The following GRIA2 variants were observed in gnomAD, a reference collection of about 807,000 sequenced individuals.
The protein encoded by GRIA2 is glutamate receptor 2.
GRIA2 carries 14 observed loss-of-function variants against 97.3 expected under a neutral mutation model. The ratio of observed to expected loss-of-function variants is 0.14; its 90% CI spans 0.10 to 0.23. The LOEUF is 0.23. Ranked by LOEUF, GRIA2 falls within the 10% of genes least tolerant of loss-of-function variation. The pLI is 1.00. For synonymous variants in GRIA2, 412 were observed against 387.8 expected (o/e 1.06, Z -0.73); for missense variants, 558 against 1,069.8 (o/e 0.52, Z 6.67).
chr4:157,241,837 T>A (rs532575700), intron 2 of GRIA2, among the ~76,000 whole-genome samples: 37 of 152,182 alleles, frequency 2.4e-4, no homozygotes, highest in African/African-American at 8.4e-4. Flanking sequence ...AACATGTTTC[T>A]AAGTGTTGAT....
chr4:157,338,008 GTATATATATATATATATATATATATATA>G (rs70958818), intron 11 of GRIA2, among the ~76,000 whole-genome samples: 2 of 79,326 alleles, frequency 2.5e-5, no homozygotes, highest in African/African-American at 9.9e-5. Flanking sequence ...ATATATATGT[GTATATATATATATATATATATATATATA>G]TATATATATA....
At chr4:157,268,779 T>C (rs924596589) in intron 2 of GRIA2, among the ~76,000 whole-genome samples, 22 of 152,010 alleles carry the variant, frequency 1.4e-4, no homozygotes, top group African/African-American at 4.8e-4. Flanking sequence ...AGGGAATGCT[T>C]TTTTTCTTAG....
At chr4:157,221,413 G>T in intron 1 of GRIA2, 1 of 573,152 alleles carries the variant, frequency 1.7e-6, no homozygotes, top group Admixed American at 3.3e-5. Flanking sequence ...CTTGGGGTCT[G>T]AATGCAAAGC....
chr4:157,309,349 GTTTTTTTTT>G (rs747461041), intron 3 of GRIA2, among the ~76,000 whole-genome samples: 1 of 130,704 alleles, frequency 7.7e-6, no homozygotes, highest in African/African-American at 2.9e-5. Context: ...AAATTTCTTG[GTTTTTTTTT>G]TTTTTTTTTT....
intron 2 of GRIA2, among the ~76,000 whole-genome samples, chr4:157,259,819 C>G (rs1186264484): frequency 6.6e-6 from 1 of 152,100 alleles, no homozygotes; most frequent in Non-Finnish European, 1.5e-5. Flanking sequence ...TTCCTTATAA[C>G]TCACTGCCAG....
intron 2 of GRIA2, among the ~76,000 whole-genome samples, chr4:157,270,782 A>G (rs991919696): frequency 2.2e-4 from 33 of 152,072 alleles, no homozygotes; most frequent in African/African-American, 7.7e-4. Flanking sequence ...TTCAGAAGAG[A>G]AGCGAAGCAT....
intron 12 of GRIA2, among the ~76,000 whole-genome samples, chr4:157,349,711 T>G (rs988982833): frequency 6.6e-6 from 1 of 152,180 alleles, no homozygotes; most frequent in African/African-American, 2.4e-5. Flanking sequence ...TAAATTAGGA[T>G]AGTTTGCTAA....
At chr4:157,312,303 AT>A (rs1734117254) in intron 3 of GRIA2, among the ~76,000 whole-genome samples, 1 of 151,994 alleles carries the variant, frequency 6.6e-6, no homozygotes, top group Non-Finnish European at 1.5e-5. Context: ...TGACTAAACA[AT>A]TTTTTTCCAT....
intron 2 of GRIA2, among the ~76,000 whole-genome samples, chr4:157,240,317 T>C (rs1036179547): frequency 6.6e-6 from 1 of 152,170 alleles, no homozygotes. Flanking sequence ...TCAGAATACA[T>C]TAAATTTTTC....
intron 2 of GRIA2, among the ~76,000 whole-genome samples, chr4:157,236,318 C>T (rs1374790355): frequency 6.6e-6 from 1 of 152,000 alleles, no homozygotes; most frequent in Non-Finnish European, 1.5e-5. Context: ...CACCTCATTT[C>T]TATGTCTCTG....
intron 2 of GRIA2, among the ~76,000 whole-genome samples, chr4:157,277,833 T>C (rs1296234010): frequency 1.4e-5 from 2 of 143,004 alleles, no homozygotes; most frequent in Admixed American, 1.4e-4. Flanking sequence ...TATGTATATA[T>C]GTATATATAT....
At chr4:157,323,994 G>A (rs1734698672) in intron 6 of GRIA2, among the ~76,000 whole-genome samples, 1 of 152,142 alleles carries the variant, frequency 6.6e-6, no homozygotes, top group South Asian at 2.1e-4. Flanking sequence ...ATCACTGTTT[G>A]ACCCTGGGTC....
At chr4:157,239,648 A>G (rs1335449035) in intron 2 of GRIA2, among the ~76,000 whole-genome samples, 10 of 152,042 alleles carry the variant, frequency 6.6e-5, no homozygotes, top group Admixed American at 6.6e-4. Context: ...CAAGATTCAG[A>G]ACATCTATAT....
intron 12 of GRIA2, among the ~76,000 whole-genome samples, chr4:157,343,000 G>T (rs1735611698): frequency 6.6e-6 from 1 of 152,012 alleles, no homozygotes; most frequent in South Asian, 2.1e-4. Flanking sequence ...TCACCAAGGT[G>T]CCAGAATTAT....
chr4:157,348,514 C>G (rs1735862686), intron 12 of GRIA2, among the ~76,000 whole-genome samples: 1 of 152,092 alleles, frequency 6.6e-6, no homozygotes, highest in Admixed American at 6.5e-5. Flanking sequence ...GCAGGTATTA[C>G]AGGCATGAGC....
chr4:157,238,234 G>A (rs1730338021), intron 2 of GRIA2, among the ~76,000 whole-genome samples: 1 of 152,072 alleles, frequency 6.6e-6, no homozygotes. Context: ...TATACTTTCA[G>A]CCTGCCTTAT....
At chr4:157,334,543 A>G (rs1735199851) in intron 9 of GRIA2, 1 of 156,040 alleles carries the variant, frequency 6.4e-6, no homozygotes, top group African/African-American at 2.4e-5. Context: ...AAAAATAAGG[A>G]TTATTTCCCT....
At chr4:157,356,661 T>A (rs115671442) in intron 12 of GRIA2, among the ~76,000 whole-genome samples, 3,490 of 152,270 alleles carry the variant, frequency 0.023, 135 homozygotes, top group African/African-American at 0.078. Flanking sequence ...AATGTGTGCA[T>A]GTAACATGAA....
chr4:157,270,348 GC>G (rs1384989362), intron 2 of GRIA2, among the ~76,000 whole-genome samples: 1 of 152,096 alleles, frequency 6.6e-6, no homozygotes, highest in African/African-American at 2.4e-5. Flanking sequence ...CCACCTGGCA[GC>G]CTCCACAGCT....
Sources: gnomAD v4.1 joint callset for allele counts (sites outside exome capture counted in the v4.1 genomes callset) on GRCh38, gnomAD v4.1.1 for gene constraint, MANE v1.5 for transcripts, NCBI Gene and HGNC (gene_info 2026-07-23, HGNC 2026-07-21) for gene names.